Variants in PLXDC2 observed in about 807,000 individuals in gnomAD.
PLXDC2 encodes the protein plexin domain containing 2.
PLXDC2 carries 40 observed loss-of-function variants against 68.9 expected under a neutral mutation model. The observed-to-expected ratio is 0.58, with a 90% CI of 0.45 to 0.76. The LOEUF (loss-of-function observed/expected upper bound fraction) is 0.76. PLXDC2 is among the 30% of genes least tolerant of loss of function. The pLI is 0.00. For missense variants in PLXDC2, 644 were observed against 661.9 expected (o/e 0.97, Z 0.30); for synonymous variants, 243 against 234.2 (o/e 1.04, Z -0.34).
At chr10:19,923,642 T>G (rs10827903) in intron 1 of PLXDC2, among the ~76,000 whole-genome samples, 1 of 152,176 alleles carries the variant, frequency 6.6e-6, no homozygotes, top group African/African-American at 2.4e-5. Flanking sequence ...AACTAACAAG[T>G]CTTATCTTTG....
chr10:20,275,562 G>A (rs1835995799), intron 13 of PLXDC2, among the ~76,000 whole-genome samples: 1 of 152,098 alleles, frequency 6.6e-6, no homozygotes, highest in Admixed American at 6.5e-5. Context: ...CTTCACTCTG[G>A]GCTTCAAGGT....
chr10:19,911,691 T>C (rs1833273803), intron 1 of PLXDC2, among the ~76,000 whole-genome samples: 1 of 152,188 alleles, frequency 6.6e-6, no homozygotes, highest in Non-Finnish European at 1.5e-5. Flanking sequence ...CTTTGGTGAG[T>C]GAGCCAGGTA....
At chr10:19,991,237 A>ACT (rs1307007383) in intron 1 of PLXDC2, among the ~76,000 whole-genome samples, 2 of 139,002 alleles carry the variant, frequency 1.4e-5, no homozygotes, top group East Asian at 2.1e-4. Flanking sequence ...CAAGACCGAA[A>ACT]CTCTCTCTCA....
chr10:19,907,825 C>T lies in PLXDC2; in HGVS notation c.112+90634C>T, dbSNP rs146085344. Among the ~76,000 whole-genome samples, 205 of 152,278 alleles carry T rather than the reference C, an allele frequency of 1.3e-3. 1 individual carries two copies. Among genetic ancestry groups the T allele is most frequent in the African/African-American group, 3.7e-3 (154 of 41,564 alleles). On this transcript the variant is annotated intron_variant, in intron 1 of 13. Transcript: ENST00000377252. ...ACTGGCTAATAACAGACTGTTCCCT[C>T]CTTGGCTCTAACTTTATTGCCATGA...
At chr10:19,850,892 A>G (rs1837103526) in intron 1 of PLXDC2, among the ~76,000 whole-genome samples, 1 of 152,208 alleles carries the variant, frequency 6.6e-6, no homozygotes, top group African/African-American at 2.4e-5. Flanking sequence ...TGCTTCAAAA[A>G]TAGCAGACTC....
chr10:20,076,110 T>C (rs1218343207), intron 4 of PLXDC2, among the ~76,000 whole-genome samples: 1 of 152,242 alleles, frequency 6.6e-6, no homozygotes, highest in South Asian at 2.1e-4. Flanking sequence ...TAAGTGACTC[T>C]GTGCAATTAA....
chr10:19,943,123 A>G (rs749877894), intron 1 of PLXDC2, among the ~76,000 whole-genome samples: 1 of 152,200 alleles, frequency 6.6e-6, no homozygotes. Flanking sequence ...GTGGCTGAAG[A>G]TCAAACGTAG....
In PLXDC2 at chr10:19,983,324, G is replaced by A. The variant is rs376355961; in HGVS notation, c.113-18451G>A. Among the ~76,000 whole-genome samples the A allele has an allele frequency of 6.6e-5, 10 of 152,080 alleles. No individual in the cohort carries two copies. The South Asian group carries it at 8.3e-4, about 13-fold the overall frequency. On this transcript the variant is annotated intron_variant, in intron 1 of 13. Transcript: ENST00000377252. ...AAAGAGGACATACTGTTAATCTTGC[G>A]AAAAAGAAAAAGAAAGGAAAGAAAC...
At chr10:20,064,663 C>G (rs1836170975) in intron 3 of PLXDC2, among the ~76,000 whole-genome samples, 1 of 152,138 alleles carries the variant, frequency 6.6e-6, no homozygotes, top group South Asian at 2.1e-4. Flanking sequence ...ACCAAAATAG[C>G]TCTTCTTCCT....
chr10:20,275,671 G>A (rs1377611848), intron 13 of PLXDC2, among the ~76,000 whole-genome samples: 1 of 152,072 alleles, frequency 6.6e-6, no homozygotes, highest in African/African-American at 2.4e-5. Context: ...ACAGCACTTT[G>A]GGAGGCTGAG....
intron 6 of PLXDC2, among the ~76,000 whole-genome samples, chr10:20,160,211 T>A (rs375596391): frequency 2.2e-4 from 34 of 152,310 alleles, no homozygotes; most frequent in African/African-American, 7.7e-4. Flanking sequence ...CTAGTAGACA[T>A]CATTCTTAGG....
intron 1 of PLXDC2, among the ~76,000 whole-genome samples, chr10:19,947,803 C>A (rs1333263001): frequency 1.4e-5 from 2 of 147,548 alleles, no homozygotes; most frequent in Non-Finnish European, 3.0e-5. Flanking sequence ...ACTGTCATGA[C>A]TAATATTAAT....
chr10:19,950,671 C>A (rs1027609074), intron 1 of PLXDC2, among the ~76,000 whole-genome samples: 6 of 152,022 alleles, frequency 3.9e-5, no homozygotes, highest in Non-Finnish European at 8.8e-5. Flanking sequence ...CATATGGAAC[C>A]AAAAAGTAGC....
intron 4 of PLXDC2, among the ~76,000 whole-genome samples, chr10:20,131,138 A>T (rs1833861549): frequency 6.8e-6 from 1 of 148,010 alleles, no homozygotes; most frequent in Admixed American, 6.8e-5. Context: ...GAGGTTTTTG[A>T]TTACTGATTA....
chr10:20,215,619 T>A (rs1487581657), intron 10 of PLXDC2, among the ~76,000 whole-genome samples: 1 of 151,970 alleles, frequency 6.6e-6, no homozygotes, highest in Non-Finnish European at 1.5e-5. Context: ...AGGACTATGA[T>A]CACCTAAGCA....
chr10:20,088,836 A>G (rs887102935), intron 4 of PLXDC2, among the ~76,000 whole-genome samples: 5 of 152,224 alleles, frequency 3.3e-5, no homozygotes, highest in Admixed American at 1.3e-4. Flanking sequence ...TAAACACTCA[A>G]TGAAAATTTG....
Position 20,082,070 on chromosome 10 carries a change from A to AAAAAAAAC in PLXDC2, c.541+13837_541+13838insACAAAAAA, listed in dbSNP as rs1554765383. 2.1e-3 allele frequency among the ~76,000 whole-genome samples: 250 copies of AAAAAAAAC among 121,916 alleles called. 25 individuals are homozygous for AAAAAAAAC. Among genetic ancestry groups the AAAAAAAAC allele is most frequent in the South Asian group, 4.2e-3 (14 of 3,362 alleles). 80.0% of individuals were successfully genotyped at this position (121,916 alleles called of 152,430 possible). A position where few individuals can be genotyped will look rare whatever the true frequency, so the allele number is the denominator to read the frequency against. ...GAAAAAAAAAAAAAAAAATCAAAAA[A>AAAAAAAAC]AAAAAACAGGAGAAGTCTGAGAAAC... On this transcript the variant is annotated intron_variant, in intron 4 of 13. Transcript: ENST00000377252.
intron 1 of PLXDC2, among the ~76,000 whole-genome samples, chr10:19,819,680 T>G (rs1809393041): frequency 6.6e-6 from 1 of 152,218 alleles, no homozygotes; most frequent in Non-Finnish European, 1.5e-5. Flanking sequence ...CCCTTTTCTG[T>G]TTTAGAGGGA....
chr10:20,124,091 C>T (rs2461930), intron 4 of PLXDC2, among the ~76,000 whole-genome samples: 139,112 of 152,032 alleles, frequency 0.92, 63,800 homozygotes, highest in African/African-American at 0.94. Context: ...CGGAACTTGC[C>T]GCTAAGGATG....
Sources: allele counts gnomAD v4.1 joint callset (sites outside exome capture counted in the v4.1 genomes callset), GRCh38; gene constraint gnomAD v4.1.1; transcripts MANE v1.5; gene names NCBI Gene and HGNC (gene_info 2026-07-23, HGNC 2026-07-21).